Variants in NSRP1 observed in about 807,000 individuals in gnomAD.
NSRP1 encodes nuclear speckle splicing regulatory protein 1.
NSRP1 carries 24 observed loss-of-function variants against 54.7 expected under a neutral mutation model. The ratio of observed to expected loss-of-function variants is 0.44; its 90% CI spans 0.32 to 0.62. The LOEUF (loss-of-function observed/expected upper bound fraction) is 0.62, where lower values mean the gene tolerates loss of function less well. Ranked by LOEUF, NSRP1 falls within the 20% of genes least tolerant of loss-of-function variation. The pLI is 0.06. For synonymous variants in NSRP1, 210 were observed against 213.8 expected, an observed-to-expected ratio of 0.98 and a Z score of 0.15; for missense variants, 596 against 651.2, an observed-to-expected ratio of 0.92 and a Z score of 0.92.
At chr17:30,140,067 A>G (rs1482412068) in intron 2 of NSRP1, among the ~76,000 whole-genome samples, 5 of 152,214 alleles carry the variant, frequency 3.3e-5, no homozygotes, top group Non-Finnish European at 7.3e-5. Flanking sequence ...TAGTCTCACA[A>G]GTATTTGGTG....
At chr17:30,160,055 GATC>G (rs1160852288) in intron 2 of NSRP1, among the ~76,000 whole-genome samples, 4 of 152,084 alleles carry the variant, frequency 2.6e-5, no homozygotes, top group African/African-American at 9.7e-5. Flanking sequence ...CAATTGAGAT[GATC>G]ATATGGTTTT....
At chr17:30,183,231 A>AAAAAAG (rs35687485) in intron 6 of NSRP1, among the ~76,000 whole-genome samples, 1 of 150,858 alleles carries the variant, frequency 6.6e-6, no homozygotes, top group Non-Finnish European at 1.5e-5. Flanking sequence ...AAAAAAAAAA[A>AAAAAAG]TTTTTTTTAA....
chr17:30,148,146 T>C (rs1171777063), intron 2 of NSRP1, among the ~76,000 whole-genome samples: 1 of 152,214 alleles, frequency 6.6e-6, no homozygotes, highest in Non-Finnish European at 1.5e-5. Context: ...AAATAGGTAC[T>C]AAATGCCTTC....
At chr17:30,141,108 A>C (rs537014756) in intron 2 of NSRP1, among the ~76,000 whole-genome samples, 1 of 152,270 alleles carries the variant, frequency 6.6e-6, no homozygotes, top group East Asian at 1.9e-4. Flanking sequence ...CAGCCACCAC[A>C]CCTGGCTAGA....
At chr17:30,139,966 G>A (rs1270079822) in intron 2 of NSRP1, among the ~76,000 whole-genome samples, 1 of 152,198 alleles carries the variant, frequency 6.6e-6, no homozygotes, top group African/African-American at 2.4e-5. Flanking sequence ...GGAGCTTGCA[G>A]TGAACCGAGA....
At chr17:30,157,921 T>G (rs1284958550) in intron 2 of NSRP1, among the ~76,000 whole-genome samples, 5 of 152,214 alleles carry the variant, frequency 3.3e-5, no homozygotes, top group Non-Finnish European at 7.4e-5. Context: ...GTTGATTCCA[T>G]ATCTTTGCTA....
chr17:30,120,055 C>G (rs1467922525), intron 2 of NSRP1, among the ~76,000 whole-genome samples: 1 of 152,132 alleles, frequency 6.6e-6, no homozygotes, highest in Non-Finnish European at 1.5e-5. Flanking sequence ...GTCAGTCTAC[C>G]TCCCCACTTG....
At position 30,186,149 on chromosome 17, in the gene NSRP1, C is replaced by T. The variant is rs577507901; in HGVS notation, c.*475C>T. 6.6e-6 allele frequency: 1 copy of T among 152,398 alleles called. No homozygotes were observed. The highest frequency in any genetic ancestry group is 3.4e-3 in the Middle Eastern group (1 of 294). 9.4% of individuals were successfully genotyped at this position (152,398 alleles called of 1,614,324 possible). A position where few individuals can be genotyped will look rare whatever the true frequency, so the allele number is the denominator to read the frequency against. ...GCATGGTAGTCCATGCCTGTAGTCC[C>T]AGCTGTTCGAGAGGCTGAGGCAAGA... On this transcript the variant is annotated 3_prime_UTR_variant, in exon 7 of 7. Coordinates refer to ENST00000247026, the MANE Select transcript of NSRP1 (RefSeq NM_032141.4).
intron 2 of NSRP1, among the ~76,000 whole-genome samples, chr17:30,151,884 G>A (rs1462154592): frequency 6.8e-6 from 1 of 146,574 alleles, no homozygotes; most frequent in Non-Finnish European, 1.5e-5. Flanking sequence ...CTAGGTTCAA[G>A]TGATTCTCCC....
intron 2 of NSRP1, among the ~76,000 whole-genome samples, chr17:30,143,403 T>G (rs1050974203): frequency 6.6e-6 from 1 of 152,238 alleles, no homozygotes; most frequent in African/African-American, 2.4e-5. Flanking sequence ...GTCAAGAGAT[T>G]GTGTATTTAT....
intron 2 of NSRP1, among the ~76,000 whole-genome samples, chr17:30,147,619 A>C (rs193158408): frequency 0.017 from 2,634 of 151,424 alleles, 65 homozygotes; most frequent in African/African-American, 0.057. Flanking sequence ...GCCCGCCACC[A>C]CGCCCGGCTA....
Position 30,142,956 on chromosome 17 carries a change from T to C in NSRP1, c.114+24783T>C, listed in dbSNP as rs1297607096. On this transcript the variant is annotated intron_variant, in intron 2 of 6. Transcript: ENST00000247026. Reference sequence around the variant, plus strand: ...ATTGTTTTATTTGGTTTGTGTACAATCTCATTGCACTCTTTTTACTCAACC... The same window carrying C: ...ATTGTTTTATTTGGTTTGTGTACAACCTCATTGCACTCTTTTTACTCAACC... 2.0e-5 allele frequency among the ~76,000 whole-genome samples: 3 copies of C among 152,186 alleles called. No individual in the cohort carries two copies. In the East Asian group the frequency reaches 5.8e-4, roughly 29 times the overall value.
intron 3 of NSRP1, among the ~76,000 whole-genome samples, chr17:30,177,789 A>G (rs1044775475): frequency 2.6e-5 from 4 of 152,218 alleles, no homozygotes; most frequent in African/African-American, 9.6e-5. Flanking sequence ...TAATTATAAC[A>G]GCTTAGAATG....
intron 2 of NSRP1, among the ~76,000 whole-genome samples, chr17:30,133,782 C>T (rs1043478294): frequency 1.3e-5 from 2 of 152,206 alleles, no homozygotes; most frequent in Non-Finnish European, 2.9e-5. Context: ...CTTAAGGGAA[C>T]ATTGTGGCTA....
chr17:30,139,720 A>G (rs761292900), intron 2 of NSRP1, among the ~76,000 whole-genome samples: 1 of 152,026 alleles, frequency 6.6e-6, no homozygotes. Flanking sequence ...ACTTTTTCAC[A>G]GGAATACTGA....
At chr17:30,144,271 T>TA (rs942846241) in intron 2 of NSRP1, 2 of 150,538 alleles carry the variant, frequency 1.3e-5, no homozygotes, top group African/African-American at 4.9e-5. Context: ...TTATTATTAT[T>TA]TTTTTTTGAA....
In NSRP1 at chr17:30,172,555, A is replaced by C; in HGVS notation, c.128A>C (p.Glu43Ala). The change falls in exon 3 of 7, where the codon GAA becomes GCA. Residue 43 changes from glutamate to alanine, a missense_variant. Physicochemically the swap from Glu to Ala is moderately radical, Grantham distance 107 (BLOSUM62 -1). Transcript: ENST00000247026. ...SDDDDETSVS[E>A]SLQREAAKKQ... The stretch of plus-strand genomic sequence containing the variant: ...TCTGTTTTACAGACCTCTGTGAGTG[A>C]AAGCCTTCAGAGGGAAGCTGCTAAG... 1 of 1,610,110 alleles carries C rather than the reference A, an allele frequency of 6.2e-7. No individual in the cohort carries two copies. Among genetic ancestry groups the C allele is most frequent in the Non-Finnish European group, 8.5e-7 (1 of 1,177,708 alleles).
intron 2 of NSRP1, among the ~76,000 whole-genome samples, chr17:30,120,097 C>T (rs2071583594): frequency 6.6e-6 from 1 of 152,144 alleles, no homozygotes; most frequent in African/African-American, 2.4e-5. Flanking sequence ...ATTTCTATCA[C>T]TAGATTAGTT....
At chr17:30,152,073 G>C (rs2071916906) in intron 2 of NSRP1, among the ~76,000 whole-genome samples, 1 of 150,716 alleles carries the variant, frequency 6.6e-6, no homozygotes, top group African/African-American at 2.4e-5. Flanking sequence ...TGGTGTGTTT[G>C]TCACTTTCTT....
Sources: gnomAD v4.1 joint callset for allele counts (sites outside exome capture counted in the v4.1 genomes callset) on GRCh38, gnomAD v4.1.1 for gene constraint, MANE v1.5 for transcripts, NCBI Gene and HGNC (gene_info 2026-07-23, HGNC 2026-07-21) for gene names.